Variants in ADCY8 observed in about 807,000 individuals in gnomAD.
The protein encoded by ADCY8 is adenylate cyclase type 8.
A neutral mutation model predicts 119.7 loss-of-function variants in ADCY8; 51 were observed. The observed-to-expected ratio is 0.43, with a 90% CI of 0.34 to 0.54. ADCY8 has a LOEUF of 0.54. ADCY8 is among the 20% of genes least tolerant of loss of function. The probability of loss-of-function intolerance (pLI) is 0.03; values close to 1 mark genes in which losing one functional copy is unlikely to be tolerated. For missense variants in ADCY8, 1,383 were observed against 1,598.8 expected (o/e 0.87, Z 2.30); for synonymous variants, 665 against 651.0 (o/e 1.02, Z -0.33).
At chr8:130,930,923 T>C (rs1247841385) in intron 5 of ADCY8, among the ~76,000 whole-genome samples, 1 of 152,206 alleles carries the variant, frequency 6.6e-6, no homozygotes, top group Non-Finnish European at 1.5e-5. Context: ...CTGTTCTCCT[T>C]CTAAAACCCA....
In ADCY8 at chr8:130,793,708, C is replaced by T. The variant is rs967653582; in HGVS notation, c.3060+6718G>A. On this transcript the variant is annotated intron_variant, in intron 15 of 17. Transcript: ENST00000286355. ...ATCACTGTCACATGGACTTCATATT[C>T]GCAGTGCATTTCCAGGGTGGAAGAG... Among the ~76,000 whole-genome samples the T allele has an allele frequency of 3.6e-4, 55 of 152,160 alleles. 1 individual carries two copies. The highest frequency in any genetic ancestry group is 4.1e-4 in the Non-Finnish European group (28 of 68,036).
At position 131,023,824 on chromosome 8, in the gene ADCY8, G is replaced by A. The variant is rs539460544; in HGVS notation, c.960+15550C>T. The stretch of plus-strand genomic sequence containing the variant: ...GGCTTTTTTATATCCAAATTACCTC[G>A]AACCCATGGCTAGTTGGGTCTTTTT... On this transcript the variant is annotated intron_variant, in intron 1 of 17. Coordinates refer to ENST00000286355, the MANE Select transcript of ADCY8 (RefSeq NM_001115.3). Among the ~76,000 whole-genome samples, 8 of 152,128 alleles carry A rather than the reference G, an allele frequency of 5.3e-5. No homozygotes were observed. In the East Asian group the frequency reaches 5.8e-4, roughly 11 times the overall value.
At chr8:130,939,952 G>A (rs779587434) in intron 4 of ADCY8, among the ~76,000 whole-genome samples, 3 of 152,150 alleles carry the variant, frequency 2.0e-5, no homozygotes, top group Non-Finnish European at 4.4e-5. Context: ...CTAGCTAACA[G>A]TAACAACCTG....
At position 131,040,154 on chromosome 8, in the gene ADCY8, G is replaced by C; in HGVS notation, c.180C>G (p.Ser60Arg). 1 of 1,532,724 alleles carries C rather than the reference G, an allele frequency of 6.5e-7. No homozygotes were observed. The highest frequency in any genetic ancestry group is 8.7e-7 in the Non-Finnish European group (1 of 1,145,338). The allele number at this position is 1,532,724 out of a possible 1,614,324, so 94.9% of individuals were successfully genotyped here. A position where few individuals can be genotyped will look rare whatever the true frequency, so the allele number is the denominator to read the frequency against. The change falls in exon 1 of 18, where the codon AGC becomes AGG. Residue 60 changes from serine (S) to arginine (R), a missense_variant. Physicochemically the swap from Ser to Arg is moderately radical, Grantham distance 110. Transcript: ENST00000286355. ...AGGCTTTGCCCGAGCCTCCACTCCCGCTGCCGCTGCCTCCCCGGTGCCCGT... is the reference window on the plus strand; with the variant it reads ...AGGCTTTGCCCGAGCCTCCACTCCCCCTGCCGCTGCCTCCCCGGTGCCCGT... ...FIHGHRGGSG[S>R]GSGGSGKASD... is the part of the protein sequence containing the mutation.
chr8:130,802,239 T>C (rs900635859), intron 14 of ADCY8, among the ~76,000 whole-genome samples: 3 of 152,206 alleles, frequency 2.0e-5, no homozygotes, highest in Non-Finnish European at 4.4e-5. Context: ...GAGAGACCCT[T>C]AGAGTCATCC....
intron 8 of ADCY8, among the ~76,000 whole-genome samples, chr8:130,877,589 C>A (rs937350714): frequency 6.6e-6 from 1 of 152,128 alleles, no homozygotes; most frequent in Non-Finnish European, 1.5e-5. Context: ...GAAACCCATG[C>A]GTGAAATATC....
chr8:130,903,884 T>C lies in ADCY8; in HGVS notation c.1799A>G (p.Asp600Gly), dbSNP rs1224104794. ...PEDSLLSLPE[D>G]IVKESVSSSD... ...GGAGCTCACTGACTCCTTGACGATATCTTCAGGCAAGGACAGCAGACTGTC... is the reference window on the plus strand; with the variant it reads ...GGAGCTCACTGACTCCTTGACGATACCTTCAGGCAAGGACAGCAGACTGTC... Residue 600 changes from aspartate to glycine, a missense_variant, in exon 7 of 18, where the codon GAT becomes GGT. Asp to Gly is a moderately conservative substitution (Grantham distance 94). Transcript: ENST00000286355. 1.2e-6 allele frequency: 2 copies of C among 1,614,106 alleles called. No homozygotes were observed. Among genetic ancestry groups the C allele is most frequent in the Non-Finnish European group, 1.7e-6 (2 of 1,179,996 alleles).
Position 130,992,570 on chromosome 8 carries a change from G to A in ADCY8, c.961-2028C>T, listed in dbSNP as rs747494109. Among the ~76,000 whole-genome samples the A allele has an allele frequency of 5.6e-4, 84 of 151,112 alleles. 1 individual carries two copies. The Middle Eastern group carries it at 0.014, about 24-fold the overall frequency. Reference sequence around the variant, plus strand: ...GCTGGGATTACAGGTGTTTACCACCGCATGTGGCTAATTTTTGTATTTTTA... The same window carrying A: ...GCTGGGATTACAGGTGTTTACCACCACATGTGGCTAATTTTTGTATTTTTA... On this transcript the variant is annotated intron_variant, in intron 1 of 17. Coordinates refer to ENST00000286355, the MANE Select transcript of ADCY8 (RefSeq NM_001115.3).
At chr8:130,848,764 T>C (rs993935150) in intron 10 of ADCY8, among the ~76,000 whole-genome samples, 1 of 152,192 alleles carries the variant, frequency 6.6e-6, no homozygotes, top group Non-Finnish European at 1.5e-5. Flanking sequence ...GCCTGAGTCA[T>C]GGACAACACA....
chr8:131,010,786 A>G (rs1464023321), intron 1 of ADCY8, among the ~76,000 whole-genome samples: 1 of 152,224 alleles, frequency 6.6e-6, no homozygotes, highest in Non-Finnish European at 1.5e-5. Context: ...TAATCATGCT[A>G]CCTAAATACA....
chr8:130,866,742 C>T (rs1326283939), intron 9 of ADCY8, among the ~76,000 whole-genome samples: 1 of 152,176 alleles, frequency 6.6e-6, no homozygotes, highest in Non-Finnish European at 1.5e-5. Context: ...GTTCAAATTT[C>T]AGCTCAGATA....
At chr8:130,954,474 C>G (rs535663606) in intron 2 of ADCY8, among the ~76,000 whole-genome samples, 11 of 152,278 alleles carry the variant, frequency 7.2e-5, no homozygotes, top group African/African-American at 2.6e-4. Context: ...AAAAGTGCAG[C>G]TGCCCTGACC....
intron 5 of ADCY8, among the ~76,000 whole-genome samples, chr8:130,933,490 G>A (rs1465350188): frequency 6.6e-6 from 1 of 152,178 alleles, no homozygotes; most frequent in Non-Finnish European, 1.5e-5. Flanking sequence ...TGAGCCAATT[G>A]CAACCAAGGT....
chr8:130,995,006 A>G (rs1009192683), intron 1 of ADCY8, among the ~76,000 whole-genome samples: 3 of 152,138 alleles, frequency 2.0e-5, no homozygotes, highest in South Asian at 2.1e-4. Context: ...TTTAATGTCA[A>G]TTTCCCAGAT....
intron 9 of ADCY8, among the ~76,000 whole-genome samples, chr8:130,866,392 C>T (rs1818124062): frequency 6.6e-6 from 1 of 152,150 alleles, no homozygotes; most frequent in Non-Finnish European, 1.5e-5. Flanking sequence ...GGCCCCTTCT[C>T]ACCCTCAGAA....
intron 1 of ADCY8, among the ~76,000 whole-genome samples, chr8:131,033,624 C>T (rs187629013): frequency 5.3e-4 from 81 of 152,096 alleles, no homozygotes; most frequent in Non-Finnish European, 1.0e-3. Context: ...TTTTACAACT[C>T]TCTAAATACA....
intron 4 of ADCY8, among the ~76,000 whole-genome samples, chr8:130,942,047 C>G (rs1638301062): frequency 6.6e-6 from 1 of 152,142 alleles, no homozygotes; most frequent in Non-Finnish European, 1.5e-5. Context: ...TCACCCCACC[C>G]CATGCTCCAT....
chr8:130,983,390 C>T (rs532723403), intron 2 of ADCY8, among the ~76,000 whole-genome samples: 1 of 152,204 alleles, frequency 6.6e-6, no homozygotes, highest in Non-Finnish European at 1.5e-5. Flanking sequence ...TTGGCCGAAC[C>T]CAACAAGAAG....
intron 8 of ADCY8, among the ~76,000 whole-genome samples, chr8:130,869,580 T>C (rs973987698): frequency 1.3e-4 from 20 of 149,890 alleles, no homozygotes; most frequent in African/African-American, 3.2e-4. Flanking sequence ...TGCAGTGGTG[T>C]GATCTCGGTT....
Sources: gnomAD v4.1 joint callset for allele counts (sites outside exome capture counted in the v4.1 genomes callset) on GRCh38, gnomAD v4.1.1 for gene constraint, MANE v1.5 for transcripts, NCBI Gene and HGNC (gene_info 2026-07-23, HGNC 2026-07-21) for gene names.